The following OIT3 variants were observed in gnomAD, a reference collection of about 807,000 sequenced individuals.
OIT3 encodes the protein oncoprotein induced transcript 3, also known as oncoprotein-induced transcript 3 protein.
Under a neutral mutation model 52.2 loss-of-function variants are expected in OIT3, and 41 were observed. That is an observed-to-expected ratio of 0.79 (90% confidence interval 0.61 to 1.02). OIT3 has a LOEUF of 1.02. Ranked by LOEUF, OIT3 falls within the 50% of genes least tolerant of loss-of-function variation. The pLI is 0.00. For missense variants in OIT3, 634 were observed against 715.5 expected (o/e 0.89, Z 1.30); for synonymous variants, 244 against 276.9 (o/e 0.88, Z 1.18).
chr10:72,930,080 T>C (rs1023036205), intron 7 of OIT3, among the ~76,000 whole-genome samples: 1 of 152,236 alleles, frequency 6.6e-6, no homozygotes, highest in African/African-American at 2.4e-5. Context: ...TCCCTAACTT[T>C]TGTATCCCCT....
At chr10:72,900,290 C>T (rs539178715) in intron 2 of OIT3, 87 bp from the exon 3 acceptor site, 10 of 729,054 alleles carry the variant, frequency 1.4e-5, no homozygotes, top group African/African-American at 5.3e-5. Flanking sequence ...TACCACCCCC[C>T]CCGACCCCCC....
At chr10:72,905,948 A>T (rs1374761331) in intron 3 of OIT3, among the ~76,000 whole-genome samples, 1 of 152,156 alleles carries the variant, frequency 6.6e-6, no homozygotes, top group Non-Finnish European at 1.5e-5. Flanking sequence ...GTTATTCCTG[A>T]GGACTATGAC....
chr10:72,911,714 C>T lies in OIT3; in HGVS notation c.668-3C>T, dbSNP rs371238354. ...TTCCCTTTTCTGTTGGTTTCTACTG[C>T]AGACGTTGAAGGATGCCACAATAAC... On this transcript the variant is annotated splice_polypyrimidine_tract_variant and splice_region_variant and intron_variant, in intron 4 of 8. Coordinates refer to ENST00000334011, the MANE Select transcript of OIT3 (RefSeq NM_152635.3). The T allele has an allele frequency of 1.2e-6, 2 of 1,612,218 alleles. No homozygotes were observed. The highest frequency in any genetic ancestry group is 1.3e-5 in the African/African-American group (1 of 74,822).
chr10:72,913,312 T>G lies in OIT3; in HGVS notation c.795T>G (p.Pro265=). ...AGTGGCCCTTTTTCTCTGCAGTCCCTGTGTTGTGCAAATCAAATGCCATTG... is the reference window on the plus strand; with the variant it reads ...AGTGGCCCTTTTTCTCTGCAGTCCCGGTGTTGTGCAAATCAAATGCCATTG... ...LSEDNHTCQV[P]VLCKSNAIEV... The change falls in exon 6 of 9, where the codon CCT becomes CCG. Residue 265 remains proline, a synonymous_variant. Coordinates refer to ENST00000334011, the MANE Select transcript of OIT3 (RefSeq NM_152635.3). The G allele has an allele frequency of 6.2e-7, 1 of 1,600,342 alleles. No homozygotes were observed.
intron 4 of OIT3, among the ~76,000 whole-genome samples, chr10:72,908,973 C>T (rs1437179189): frequency 6.7e-6 from 1 of 150,302 alleles, no homozygotes; most frequent in African/African-American, 2.4e-5. Context: ...GCTACATGCA[C>T]GGGTTTGTTA....
At chr10:72,911,174 T>C (rs1366341512) in intron 4 of OIT3, among the ~76,000 whole-genome samples, 2 of 152,202 alleles carry the variant, frequency 1.3e-5, no homozygotes, top group Non-Finnish European at 1.5e-5. Flanking sequence ...ACTCAGCATG[T>C]TGTCCAGGCC....
chr10:72,925,778 TC>T (rs1846164938), intron 7 of OIT3, among the ~76,000 whole-genome samples: 1 of 152,118 alleles, frequency 6.6e-6, no homozygotes, highest in Non-Finnish European at 1.5e-5. Context: ...CCCAGCTAAT[TC>T]TTTTTTTTCT....
At chr10:72,914,952 G>A (rs185356569) in intron 6 of OIT3, among the ~76,000 whole-genome samples, 2 of 151,664 alleles carry the variant, frequency 1.3e-5, no homozygotes, top group Non-Finnish European at 2.9e-5. Flanking sequence ...TGCAACCTCT[G>A]CCTCCCAGGT....
At chr10:72,905,094 G>T (rs1845966998) in intron 3 of OIT3, among the ~76,000 whole-genome samples, 1 of 152,150 alleles carries the variant, frequency 6.6e-6, no homozygotes, top group South Asian at 2.1e-4. Flanking sequence ...TTACTGCAAA[G>T]ACAGCACCAA....
intron 7 of OIT3, among the ~76,000 whole-genome samples, chr10:72,925,621 G>C (rs1315726347): frequency 1.3e-5 from 2 of 152,140 alleles, no homozygotes; most frequent in Non-Finnish European, 2.9e-5. Context: ...TTTTTTCAGG[G>C]GTGGAGGGCA....
intron 4 of OIT3, among the ~76,000 whole-genome samples, chr10:72,908,635 T>C (rs919632290): frequency 3.9e-5 from 6 of 152,144 alleles, no homozygotes; most frequent in Non-Finnish European, 8.8e-5. Flanking sequence ...CTTAATTATT[T>C]TATGTAATAA....
Position 72,932,751 on chromosome 10 carries a change from C to G in OIT3, c.*227C>G, listed in dbSNP as rs1049324620. 4.6e-6 allele frequency: 2 copies of G among 436,058 alleles called. No homozygotes were observed. Among genetic ancestry groups the G allele is most frequent in the African/African-American group, 4.1e-5 (2 of 49,116 alleles). 27.0% of individuals were successfully genotyped at this position (436,058 alleles called of 1,614,324 possible). ...GGTTTCATCTTTCTAGGGTTGAAAA[C>G]TAAACTGTCCACCCAGAAAGACACT... On this transcript the variant is annotated 3_prime_UTR_variant, in exon 9 of 9. Transcript: ENST00000334011.
At chr10:72,922,985 C>G (rs1445644294) in intron 6 of OIT3, among the ~76,000 whole-genome samples, 2 of 152,146 alleles carry the variant, frequency 1.3e-5, no homozygotes, top group Non-Finnish European at 2.9e-5. Context: ...AAGTGATTCT[C>G]CTGCCTCAGC....
In OIT3 at chr10:72,913,466, G is replaced by A. The variant is rs144779514; in HGVS notation, c.949G>A (p.Asp317Asn). 226 of 1,602,618 alleles carry A rather than the reference G, an allele frequency of 1.4e-4. No individual in the cohort carries two copies. Among genetic ancestry groups the A allele is most frequent in the South Asian group, 2.7e-4 (24 of 90,466 alleles). ...TCTCAAGACATGTGGTACAGTGGTC[G>A]ATGTAGGTTCCTCCTGGAGGGCACT... ...FSLKTCGTVV[D>N]VVNDKIVASN... The change falls in exon 6 of 9, where the codon GAT (aspartate) becomes AAT (asparagine). Residue 317 changes from aspartate (D) to asparagine (N), a missense_variant and splice_region_variant. Transcript: ENST00000334011.
rs781281356 is a variant in OIT3, at chr10:72,932,845, C to T, written c.*321C>T. Reference sequence around the variant, plus strand: ...GTATGGTGCAATCAGACCACAAAATCAGAAGCTGGGTATAATATTTCAAGT... The same window carrying T: ...GTATGGTGCAATCAGACCACAAAATTAGAAGCTGGGTATAATATTTCAAGT... On this transcript the variant is annotated 3_prime_UTR_variant, in exon 9 of 9. Transcript: ENST00000334011. 3 of 240,600 alleles carry T rather than the reference C, an allele frequency of 1.2e-5. No individual in the cohort carries two copies. The highest frequency in any genetic ancestry group is 2.4e-5 in the Non-Finnish European group (3 of 126,054). 14.9% of individuals were successfully genotyped at this position (240,600 alleles called of 1,614,324 possible).
At chr10:72,905,240 G>T (rs1468545341) in intron 3 of OIT3, among the ~76,000 whole-genome samples, 2 of 152,172 alleles carry the variant, frequency 1.3e-5, no homozygotes, top group Non-Finnish European at 2.9e-5. Flanking sequence ...GGAGGCCAAG[G>T]CAGGTGGATC....
intron 1 of OIT3, among the ~76,000 whole-genome samples, chr10:72,895,069 T>A (rs568786958): frequency 6.6e-6 from 1 of 152,238 alleles, no homozygotes; most frequent in African/African-American, 2.4e-5. Context: ...AAAGGTACCA[T>A]GCCAATGTGT....
chr10:72,930,556 G>T lies in OIT3; in HGVS notation c.1386G>T (p.Ser462=). The change falls in exon 8 of 9, where the codon TCG becomes TCT. Residue 462 remains serine, a synonymous_variant. Transcript: ENST00000334011. ...CTTTCAGCTGTGTTTCAGATGACTC[G>T]GTAAAGCAGTACACATCCCGGGATC... The part of the protein sequence containing the change: ...LIRDGCVSDD[S]VKQYTSRDHL... 1 of 1,613,150 alleles carries T rather than the reference G, an allele frequency of 6.2e-7. No individual in the cohort carries two copies. The highest frequency in any genetic ancestry group is 8.5e-7 in the Non-Finnish European group (1 of 1,179,368).
At chr10:72,901,431 T>G (rs1383156567) in intron 3 of OIT3, among the ~76,000 whole-genome samples, 1 of 152,214 alleles carries the variant, frequency 6.6e-6, no homozygotes, top group African/African-American at 2.4e-5. Flanking sequence ...GATTGAATAT[T>G]ATTTCTCTTT....
Sources: allele counts gnomAD v4.1 joint callset (sites outside exome capture counted in the v4.1 genomes callset), GRCh38; gene constraint gnomAD v4.1.1; transcripts MANE v1.5; gene names NCBI Gene and HGNC (gene_info 2026-07-23, HGNC 2026-07-21).